The following DDB1 variants were observed in gnomAD, a reference collection of about 807,000 sequenced individuals.
DDB1 encodes the protein DNA damage-binding protein 1.
Under a neutral mutation model 133.1 loss-of-function variants are expected in DDB1, and 18 were observed. The observed-to-expected ratio is 0.14, with a 90% confidence interval of 0.09 to 0.20. DDB1 has a LOEUF of 0.20. DDB1 is among the 10% of genes least tolerant of loss of function. The pLI, the probability that DDB1 is intolerant of heterozygous loss-of-function variation, is 1.00. For synonymous variants in DDB1, 580 were observed against 550.5 expected, an observed-to-expected ratio of 1.05 and a Z score of -0.75; for missense variants, 828 against 1,459.2, an observed-to-expected ratio of 0.57 and a Z score of 7.05.
rs772861659 is a variant in DDB1, at chr11:61,311,982, G to A, written c.2165+7C>T. 1.9e-5 allele frequency: 31 copies of A among 1,614,128 alleles called. No homozygotes were observed. The highest frequency in any genetic ancestry group is 2.5e-5 in the Non-Finnish European group (29 of 1,179,990). ...CCCACTTCCCACTCTCCCACCCTGGGCCTCACCTTGGAGACTCATAGAGGG... is the reference window on the plus strand; with the variant it reads ...CCCACTTCCCACTCTCCCACCCTGGACCTCACCTTGGAGACTCATAGAGGG... On this transcript the variant is annotated splice_region_variant and intron_variant, in intron 17 of 26. Coordinates refer to ENST00000301764, the MANE Select transcript of DDB1 (RefSeq NM_001923.5).
chr11:61,326,898 G>T lies in DDB1; in HGVS notation c.550-5C>A, dbSNP rs189560336. On this transcript the variant is annotated splice_polypyrimidine_tract_variant and splice_region_variant and intron_variant, in intron 4 of 26. Coordinates refer to ENST00000301764, the MANE Select transcript of DDB1 (RefSeq NM_001923.5). Reference sequence around the variant, plus strand: ...TACGTGCCGCCCCTGAGGGTCCTGGGGGGGAAAGGTAAAATGGTTAGCCCT... The same window carrying T: ...TACGTGCCGCCCCTGAGGGTCCTGGTGGGGAAAGGTAAAATGGTTAGCCCT... 7.3e-4 allele frequency: 1,183 copies of T among 1,610,676 alleles called. 12 individuals are homozygous for T. In the African/African-American group the frequency reaches 0.015, roughly 20 times the overall value.
Position 61,299,739 on chromosome 11 carries a change from A to G in DDB1, c.*397T>C, listed in dbSNP as rs958360226. 16 of 242,322 alleles carry G rather than the reference A, an allele frequency of 6.6e-5. No homozygotes were observed. Among genetic ancestry groups the G allele is most frequent in the Admixed American group, 6.0e-4 (12 of 20,010 alleles). 15.0% of individuals were successfully genotyped at this position (242,322 alleles called of 1,614,324 possible). A position where few individuals can be genotyped will look rare whatever the true frequency, so the allele number is the denominator to read the frequency against. ...ACTACCCACAACTCCCTACACTGCC[A>G]ATCTAAATAAAAAGAGGACAATGCA... On this transcript the variant is annotated 3_prime_UTR_variant, in exon 27 of 27. Transcript: ENST00000301764.
chr11:61,302,955 T>C (rs1855825372), intron 23 of DDB1, 91 bp downstream of exon 23: 1 of 1,352,270 alleles, frequency 7.4e-7, no homozygotes, highest in Non-Finnish European at 1.0e-6. Flanking sequence ...CAGGAGCACC[T>C]GAACCTGACA....
At chr11:61,326,432 A>G (rs1856271335) in intron 5 of DDB1, among the ~76,000 whole-genome samples, 1 of 152,072 alleles carries the variant, frequency 6.6e-6, no homozygotes, top group African/African-American at 2.4e-5. Context: ...CTGGGACTAT[A>G]GATCCTGGCT....
rs772330346 is a variant in DDB1 at position 61,325,779 on chromosome 11, A to C, written c.665-71T>G. 1.1e-5 allele frequency: 14 copies of C among 1,232,766 alleles called. No individual in the cohort carries two copies. The South Asian group carries it at 1.8e-4, about 16-fold the overall frequency. 76.4% of individuals were successfully genotyped at this position (1,232,766 alleles called of 1,614,324 possible). A position where few individuals can be genotyped will look rare whatever the true frequency, so the allele number is the denominator to read the frequency against. On this transcript the variant is annotated intron_variant, in intron 5 of 26. Transcript: ENST00000301764. ...GCCAAACCAGGACTGGCAAAAGTAC[A>C]GGTCTAGTTAGCCCCAAGGCAAACT... is the stretch of plus-strand genomic sequence containing the variant.
chr11:61,303,062 C>G lies in DDB1; in HGVS notation c.2926G>C (p.Val976Leu). The G allele has an allele frequency of 6.2e-7, 1 of 1,614,174 alleles. No individual in the cohort carries two copies. Among genetic ancestry groups the G allele is most frequent in the Non-Finnish European group, 8.5e-7 (1 of 1,180,016 alleles). The change falls in exon 23 of 27, where the codon GTG (valine) becomes CTG (leucine). Residue 976 changes from valine to leucine, a missense_variant. Val to Leu is a conservative substitution (Grantham distance 32). Coordinates refer to ENST00000301764, the MANE Select transcript of DDB1 (RefSeq NM_001923.5). The part of the protein sequence containing the change: ...LGAENAFNLF[V>L]CQKDSAATTD... ...ACTACTCACCTATCCTTTTGACACA[C>G]AAACAAGTTAAAGGCATTTTCAGCC... is the stretch of plus-strand genomic sequence containing the variant.
rs746571135 is a variant in DDB1 at position 61,332,942 on chromosome 11, G to A, written c.27C>T (p.Ala9=). ...AGCCGTTCACGGCGGTGGGCTTCTG[G>A]GCCGTTACCACGTAGTTGTACGACA... MSYNYVVT[A]QKPTAVNGCV... The change falls in exon 1 of 27, where the codon GCC becomes GCT. Residue 9 remains alanine (A), a synonymous_variant. Transcript: ENST00000301764. 3 of 1,517,282 alleles carry A rather than the reference G, an allele frequency of 2.0e-6. No individual in the cohort carries two copies. The South Asian group carries it at 3.7e-5, about 19-fold the overall frequency. 94.0% of individuals were successfully genotyped at this position (1,517,282 alleles called of 1,614,324 possible).
chr11:61,310,208 T>A lies in DDB1; in HGVS notation c.2401+87A>T. Reference sequence around the variant, plus strand: ...GCTCCTCCTAGGACAGTCTGCCACATCTGTCAGGCTTTGCAGGTACCAGAG... The same window carrying A: ...GCTCCTCCTAGGACAGTCTGCCACAACTGTCAGGCTTTGCAGGTACCAGAG... On this transcript the variant is annotated intron_variant, in intron 19 of 26. Coordinates refer to ENST00000301764, the MANE Select transcript of DDB1 (RefSeq NM_001923.5). 2.0e-6 allele frequency: 3 copies of A among 1,528,082 alleles called. No homozygotes were observed. In the South Asian group the frequency reaches 3.8e-5, roughly 19 times the overall value. The allele number at this position is 1,528,082 out of a possible 1,614,324, so 94.7% of individuals were successfully genotyped here. A position where few individuals can be genotyped will look rare whatever the true frequency, so the allele number is the denominator to read the frequency against.
rs1856253080 is a variant in DDB1, at chr11:61,325,407, C to CT, written c.762+203dup. On this transcript the variant is annotated intron_variant, in intron 6 of 26. Transcript: ENST00000301764. ...GAAGCCTATTTTGATTATCATTTAT[C>CT]TAAGTTAGCAAGCAAGTTCTCTGTA... 2.0e-5 allele frequency among the ~76,000 whole-genome samples: 3 copies of CT among 152,178 alleles called. No individual in the cohort carries two copies. In the South Asian group the frequency reaches 6.2e-4, roughly 31 times the overall value.
intron 8 of DDB1, chr11:61,322,725 T>C: frequency 1.8e-6 from 1 of 542,276 alleles, no homozygotes; most frequent in Non-Finnish European, 3.3e-6. Flanking sequence ...TTTCATATTC[T>C]AGAAGAAGTC....
intron 18 of DDB1, 65 bp from the exon 19 acceptor site, chr11:61,310,483 G>C: frequency 1.3e-6 from 2 of 1,509,810 alleles, no homozygotes; most frequent in Non-Finnish European, 1.8e-6. Context: ...ACATCATTGT[G>C]AAGGGACCCG....
At chr11:61,305,658 A>G (rs899111197) in intron 21 of DDB1, among the ~76,000 whole-genome samples, 12 of 152,088 alleles carry the variant, frequency 7.9e-5, no homozygotes, top group African/African-American at 2.7e-4. Flanking sequence ...AGAGCTCCAC[A>G]TGTTCCTGCC....
chr11:61,329,666 A>C (rs1856333391), intron 3 of DDB1, 82 bp from the exon 4 acceptor site: 1 of 1,346,206 alleles, frequency 7.4e-7, no homozygotes, highest in Non-Finnish European at 1.0e-6. Context: ...TGTGCAGAAA[A>C]ATTTTAGGAG....
At chr11:61,331,465 T>TAAAC in intron 2 of DDB1, 78 bp downstream of exon 2, 1 of 1,565,608 alleles carries the variant, frequency 6.4e-7, no homozygotes, top group Non-Finnish European at 8.7e-7. Context: ...AGAAAATAAA[T>TAAAC]AAACAAACAA....
At chr11:61,304,150 A>G (rs896182726) in intron 21 of DDB1, 115 bp from the exon 22 acceptor site, 10 of 1,165,008 alleles carry the variant, frequency 8.6e-6, no homozygotes, top group Non-Finnish European at 1.1e-5. Context: ...AATGCGGGAC[A>G]GGAAACGGTT....
chr11:61,300,089 G>T lies in DDB1; in HGVS notation c.*47C>A. On this transcript the variant is annotated 3_prime_UTR_variant, in exon 27 of 27. Transcript: ENST00000301764. ...GGTGGAGAGGAGGGGGAGGGCAGCA[G>T]GGCAAAGCCTTTGGGGAGGGTCAGC... 6.3e-7 allele frequency: 1 copy of T among 1,596,224 alleles called. No homozygotes were observed. The highest frequency in any genetic ancestry group is 8.6e-7 in the Non-Finnish European group (1 of 1,164,804).
chr11:61,331,441 G>T, intron 2 of DDB1, 102 bp downstream of exon 2: 1 of 1,475,078 alleles, frequency 6.8e-7, no homozygotes, highest in Non-Finnish European at 9.1e-7. Flanking sequence ...AACACTGTGA[G>T]ACCCCCGTCT....
intron 10 of DDB1, among the ~76,000 whole-genome samples, chr11:61,316,998 T>TAGAC (rs1856096438): frequency 1.1e-5 from 1 of 92,122 alleles, no homozygotes; most frequent in Non-Finnish European, 2.4e-5. Context: ...TATATATATA[T>TAGAC]AGACATGGCA....
chr11:61,302,808 A>G, intron 23 of DDB1, 57 bp from the exon 24 acceptor site: 1 of 1,605,976 alleles, frequency 6.2e-7, no homozygotes, highest in South Asian at 1.1e-5. Flanking sequence ...ACAGGCCCTG[A>G]GACAGGACCA....
Sources: gnomAD v4.1 joint callset for allele counts (sites outside exome capture counted in the v4.1 genomes callset) on GRCh38, gnomAD v4.1.1 for gene constraint, MANE v1.5 for transcripts, NCBI Gene and HGNC (gene_info 2026-07-23, HGNC 2026-07-21) for gene names.